The following IL1RAPL2 variants were observed in gnomAD, a reference collection of about 807,000 sequenced individuals.
The protein encoded by IL1RAPL2 is interleukin 1 receptor accessory protein like 2, also known as X-linked interleukin-1 receptor accessory protein-like 2.
A neutral mutation model predicts 44.1 loss-of-function variants in IL1RAPL2; 3 were observed. That is an observed-to-expected ratio of 0.07 (90% CI 0.03 to 0.18). IL1RAPL2 has a LOEUF of 0.18. Among genes scored for constraint, IL1RAPL2 ranks in the 10% least tolerant of loss-of-function variants. The probability of loss-of-function intolerance (pLI) is 1.00; values close to 1 mark genes in which losing one functional copy is unlikely to be tolerated. For synonymous variants in IL1RAPL2, 181 were observed against 178.8 expected, an observed-to-expected ratio of 1.01 and a Z score of -0.10; for missense variants, 391 against 496.4, an observed-to-expected ratio of 0.79 and a Z score of 2.02.
chrX:105,141,100 G>A (rs182254457), intron 2 of IL1RAPL2, among the ~76,000 whole-genome samples: 3 of 111,501 alleles, frequency 2.7e-5, no homozygotes, highest in East Asian at 5.7e-4. Context: ...CAATGTTTTC[G>A]TTAAAAGAAG....
chrX:105,075,803 C>T (rs1222967000), intron 2 of IL1RAPL2, among the ~76,000 whole-genome samples: 1 of 111,796 alleles, frequency 8.9e-6, no homozygotes, highest in Admixed American at 9.5e-5. Flanking sequence ...TTATCCATTT[C>T]TTGTAGATTT....
At chrX:104,843,528 T>TG (rs1372767189) in intron 2 of IL1RAPL2, among the ~76,000 whole-genome samples, 1 of 111,064 alleles carries the variant, frequency 9.0e-6, no homozygotes, top group Non-Finnish European at 1.9e-5. Flanking sequence ...CCCAGGGCCC[T>TG]GGTTGTATAT....
chrX:105,710,985 T>G (rs1025182581), intron 6 of IL1RAPL2, among the ~76,000 whole-genome samples: 1 of 106,961 alleles, frequency 9.3e-6, no homozygotes, highest in Non-Finnish European at 1.9e-5. Flanking sequence ...TGTATGTGTA[T>G]ATATACATAC....
At chrX:104,914,388 T>C (rs1341378654) in intron 2 of IL1RAPL2, among the ~76,000 whole-genome samples, 1 of 111,426 alleles carries the variant, frequency 9.0e-6, no homozygotes, top group Non-Finnish European at 1.9e-5. Context: ...AAGGAAATGC[T>C]AAAAAAGGAA....
chrX:105,378,767 C>T (rs989382019), intron 5 of IL1RAPL2, among the ~76,000 whole-genome samples: 11 of 111,959 alleles, frequency 9.8e-5, no homozygotes, highest in Non-Finnish European at 1.7e-4. Context: ...AACATGTTCA[C>T]TAACTAGGAG....
At chrX:104,928,181 T>C (rs1924816785) in intron 2 of IL1RAPL2, among the ~76,000 whole-genome samples, 1 of 111,728 alleles carries the variant, frequency 9.0e-6, no homozygotes, top group South Asian at 3.8e-4. Flanking sequence ...CTGGATTGTT[T>C]AGTTATTTTA....
At chrX:104,881,048 A>G (rs1308935976) in intron 2 of IL1RAPL2, among the ~76,000 whole-genome samples, 1 of 111,787 alleles carries the variant, frequency 8.9e-6, no homozygotes. Flanking sequence ...TTTTTTAAGC[A>G]AAACTAAGAT....
intron 2 of IL1RAPL2, among the ~76,000 whole-genome samples, chrX:104,949,203 C>T (rs1333793858): frequency 1.9e-5 from 2 of 107,764 alleles, no homozygotes; most frequent in African/African-American, 6.7e-5. Context: ...AGTTTATTTG[C>T]GTAGAGGTGT....
At chrX:104,759,977 C>A in intron 2 of IL1RAPL2, among the ~76,000 whole-genome samples, 1 of 111,874 alleles carries the variant, frequency 8.9e-6, no homozygotes, top group Non-Finnish European at 1.9e-5. Flanking sequence ...CTTCTGGTAA[C>A]CACCTTTCTA....
chrX:105,672,775 A>C (rs890246072), intron 6 of IL1RAPL2, among the ~76,000 whole-genome samples: 1 of 112,149 alleles, frequency 8.9e-6, no homozygotes, highest in African/African-American at 3.2e-5. Context: ...GGATGGTACC[A>C]TATTTTTTTC....
intron 2 of IL1RAPL2, among the ~76,000 whole-genome samples, chrX:104,673,446 T>C (rs1197188244): frequency 2.9e-4 from 32 of 111,164 alleles, no homozygotes; most frequent in Admixed American, 9.5e-4. Context: ...TGTTCTGTTC[T>C]ATTGATCTAT....
At position 104,655,856 on chromosome X, in the gene IL1RAPL2, T is replaced by G. The variant is rs186265815; in HGVS notation, c.-19-3039T>G. ...TTATTGCCTCAATTTCAGAGCCTGT[T>G]GTTGGTCTATTCAGAGATTCAGCTT... On this transcript the variant is annotated intron_variant, in intron 1 of 10. Transcript: ENST00000372582. Among the ~76,000 whole-genome samples the G allele has an allele frequency of 6.2e-3, 690 of 111,502 alleles. 21 individuals carry two copies. The East Asian group carries it at 0.071, about 11-fold the overall frequency.
intron 2 of IL1RAPL2, among the ~76,000 whole-genome samples, chrX:104,842,442 G>A (rs1253986895): frequency 9.0e-6 from 1 of 110,987 alleles, no homozygotes; most frequent in African/African-American, 3.3e-5. Context: ...CTTGAGAGGT[G>A]TTGCAATCAT....
At chrX:104,731,584 G>A in intron 2 of IL1RAPL2, among the ~76,000 whole-genome samples, 1 of 111,001 alleles carries the variant, frequency 9.0e-6, no homozygotes, top group East Asian at 2.8e-4. Flanking sequence ...TGTATTTTTA[G>A]TAGAGACAGG....
intron 2 of IL1RAPL2, among the ~76,000 whole-genome samples, chrX:105,085,062 C>T (rs2032462815): frequency 8.9e-6 from 1 of 112,209 alleles, no homozygotes; most frequent in Admixed American, 9.5e-5. Context: ...CCTGAGGCCT[C>T]CACAGTCATG....
rs781404971 is a variant in IL1RAPL2 at position 104,741,203 on chromosome X, T to C, written c.82+82208T>C. 2.7e-5 allele frequency among the ~76,000 whole-genome samples: 3 copies of C among 111,729 alleles called. No homozygotes were observed. In the East Asian group the frequency reaches 8.5e-4, roughly 32 times the overall value. Reference sequence around the variant, plus strand: ...GAAATAATTCTCCATGATAGTTCTTTAAATTGGAGTTTCTCTAGTACATTT... The same window carrying C: ...GAAATAATTCTCCATGATAGTTCTTCAAATTGGAGTTTCTCTAGTACATTT... On this transcript the variant is annotated intron_variant, in intron 2 of 10. Transcript: ENST00000372582.
chrX:105,196,688 C>T (rs1401458311), intron 3 of IL1RAPL2, among the ~76,000 whole-genome samples: 1 of 111,175 alleles, frequency 9.0e-6, no homozygotes, highest in Non-Finnish European at 1.9e-5. Flanking sequence ...TATGTTTTTT[C>T]CCTTAGGGAT....
intron 3 of IL1RAPL2, chrX:105,219,654 C>T (rs938856840): frequency 5.0e-6 from 6 of 1,210,364 alleles, no homozygotes; most frequent in Non-Finnish European, 6.7e-6. Flanking sequence ...CAGCCACCGC[C>T]GCCTCTTCTT....
intron 6 of IL1RAPL2, among the ~76,000 whole-genome samples, chrX:105,620,841 G>A (rs374692790): frequency 1.1e-4 from 12 of 111,314 alleles, no homozygotes; most frequent in East Asian, 8.5e-4. Flanking sequence ...TTTTTAAAGC[G>A]GTCATCTTTA....
Sources: gnomAD v4.1 joint callset for allele counts (sites outside exome capture counted in the v4.1 genomes callset) on GRCh38, gnomAD v4.1.1 for gene constraint, MANE v1.5 for transcripts, NCBI Gene and HGNC (gene_info 2026-07-23, HGNC 2026-07-21) for gene names.